The following SORCS1 variants were observed in gnomAD, a reference collection of about 807,000 sequenced individuals.
SORCS1 encodes the protein sortilin related VPS10 domain containing receptor 1, also known as VPS10 domain-containing receptor SorCS1.
In SORCS1, 60 loss-of-function variants were observed where a neutral mutation model predicts 146.1. The ratio of observed to expected loss-of-function variants is 0.41; its 90% confidence interval spans 0.33 to 0.51. SORCS1 has a LOEUF of 0.51. Ranked by LOEUF, SORCS1 falls within the 20% of genes least tolerant of loss-of-function variation. SORCS1 has a pLI of 0.21. For synonymous variants in SORCS1, 637 were observed against 584.0 expected, an observed-to-expected ratio of 1.09 and a Z score of -1.31; for missense variants, 1,352 against 1,487.6, an observed-to-expected ratio of 0.91 and a Z score of 1.50.
chr10:106,641,384 G>T lies in SORCS1; in HGVS notation c.2475+10998C>A, dbSNP rs149386082. On this transcript the variant is annotated intron_variant, in intron 18 of 25. Transcript: ENST00000263054. ...TGTAAAATTGCAAACTAGTATCAGT[G>T]TACCTAGCCTTTTATTATTTTCTGT... 2.6e-5 allele frequency among the ~76,000 whole-genome samples: 4 copies of T among 152,234 alleles called. No homozygotes were observed. In the East Asian group the frequency reaches 5.8e-4, roughly 22 times the overall value.
intron 4 of SORCS1, among the ~76,000 whole-genome samples, chr10:106,765,379 T>A (rs904893068): frequency 3.3e-5 from 5 of 152,132 alleles, no homozygotes; most frequent in East Asian, 1.9e-4. Context: ...AAGGGTTTTT[T>A]TTTTTAAGAC....
chr10:107,093,163 T>A (rs1441669165), intron 1 of SORCS1, among the ~76,000 whole-genome samples: 1 of 152,204 alleles, frequency 6.6e-6, no homozygotes, highest in African/African-American at 2.4e-5. Flanking sequence ...TGATTTTTTT[T>A]AACCAAGATG....
chr10:106,734,703 T>A (rs1246776028), intron 5 of SORCS1, among the ~76,000 whole-genome samples: 2 of 152,208 alleles, frequency 1.3e-5, no homozygotes, highest in Non-Finnish European at 2.9e-5. Context: ...GTTAACATAA[T>A]TTTTTCTATA....
chr10:106,601,996 C>A (rs1846272005), intron 23 of SORCS1, among the ~76,000 whole-genome samples: 1 of 152,152 alleles, frequency 6.6e-6, no homozygotes, highest in Admixed American at 6.5e-5. Flanking sequence ...CATTCAACAT[C>A]CAAACAATTT....
chr10:107,000,111 C>G (rs1466777323), intron 1 of SORCS1, among the ~76,000 whole-genome samples: 1 of 152,160 alleles, frequency 6.6e-6, no homozygotes, highest in Non-Finnish European at 1.5e-5. Flanking sequence ...CTCTCCCCAT[C>G]AGCAATTAAG....
At chr10:107,091,611 C>G (rs541298961) in intron 1 of SORCS1, among the ~76,000 whole-genome samples, 1 of 152,222 alleles carries the variant, frequency 6.6e-6, no homozygotes, top group Admixed American at 6.5e-5. Flanking sequence ...AGACCGAGTT[C>G]ATTTGCTGCT....
At chr10:106,912,122 AAAC>A (rs1264778992) in intron 2 of SORCS1, among the ~76,000 whole-genome samples, 1 of 146,578 alleles carries the variant, frequency 6.8e-6, no homozygotes, top group Admixed American at 6.7e-5. Flanking sequence ...CAAAAAAAAA[AAAC>A]AAACAAACAA....
At chr10:106,726,076 C>A (rs1856139406) in intron 6 of SORCS1, among the ~76,000 whole-genome samples, 1 of 151,838 alleles carries the variant, frequency 6.6e-6, no homozygotes, top group Admixed American at 6.6e-5. Flanking sequence ...CCTTGCTACC[C>A]TGACCTCTCT....
chr10:106,734,060 T>C (rs1005526212), intron 5 of SORCS1, among the ~76,000 whole-genome samples: 8 of 152,174 alleles, frequency 5.3e-5, no homozygotes, highest in African/African-American at 1.9e-4. Context: ...CAATACAGCA[T>C]GTTATTCTTT....
intron 18 of SORCS1, among the ~76,000 whole-genome samples, chr10:106,646,600 G>A (rs1449571953): frequency 6.6e-6 from 1 of 152,132 alleles, no homozygotes; most frequent in Non-Finnish European, 1.5e-5. Flanking sequence ...GGAGACTGAG[G>A]CAGGAGAATC....
chr10:106,853,752 T>G, intron 2 of SORCS1, among the ~76,000 whole-genome samples: 1 of 152,130 alleles, frequency 6.6e-6, no homozygotes, highest in East Asian at 1.9e-4. Flanking sequence ...CTCTGCTTAT[T>G]TTGAAAATTT....
intron 1 of SORCS1, among the ~76,000 whole-genome samples, chr10:107,065,465 TCCC>T (rs1840431886): frequency 9.7e-6 from 1 of 103,202 alleles, no homozygotes; most frequent in African/African-American, 3.5e-5. Flanking sequence ...TCTTTCTCTC[TCCC>T]TCTCCTCTCC....
At chr10:106,790,444 G>T (rs551030864) in intron 3 of SORCS1, among the ~76,000 whole-genome samples, 4 of 152,308 alleles carry the variant, frequency 2.6e-5, no homozygotes, top group African/African-American at 9.6e-5. Context: ...TAGCAGGGAA[G>T]AAATGTAATC....
At chr10:106,769,426 A>C (rs183623605) in intron 4 of SORCS1, among the ~76,000 whole-genome samples, 16 of 150,630 alleles carry the variant, frequency 1.1e-4, no homozygotes, top group African/African-American at 3.9e-4. Context: ...CGGAGGTTAC[A>C]GTGAGCTGAG....
At chr10:107,081,100 C>A (rs1963298878) in intron 1 of SORCS1, among the ~76,000 whole-genome samples, 1 of 152,212 alleles carries the variant, frequency 6.6e-6, no homozygotes. Flanking sequence ...AACTGCAGTT[C>A]AGTTTCAGAT....
intron 1 of SORCS1, among the ~76,000 whole-genome samples, chr10:106,968,040 T>C (rs1417039117): frequency 7.3e-6 from 1 of 137,462 alleles, no homozygotes; most frequent in East Asian, 2.0e-4. Flanking sequence ...CCGTCTCTAC[T>C]AAAGAAAAAA....
chr10:106,699,079 T>A (rs1853928480), intron 9 of SORCS1, 135 bp downstream of exon 9: 2 of 703,072 alleles, frequency 2.8e-6, no homozygotes, highest in African/African-American at 1.8e-5. Context: ...GTTCTGCAAA[T>A]CTTTCCATCT....
At chr10:107,082,293 AGAG>A (rs1401360388) in intron 1 of SORCS1, among the ~76,000 whole-genome samples, 3 of 152,072 alleles carry the variant, frequency 2.0e-5, no homozygotes, top group African/African-American at 7.2e-5. Context: ...CTACTCTTTA[AGAG>A]GAGATTTTTG....
chr10:106,605,765 A>G (rs1468626984), intron 23 of SORCS1, among the ~76,000 whole-genome samples: 1 of 152,196 alleles, frequency 6.6e-6, no homozygotes, highest in African/African-American at 2.4e-5. Context: ...AGGGCTTTCC[A>G]TGAGAGCTCT....
Sources: gnomAD v4.1 joint callset for allele counts (sites outside exome capture counted in the v4.1 genomes callset) on GRCh38, gnomAD v4.1.1 for gene constraint, MANE v1.5 for transcripts, NCBI Gene and HGNC (gene_info 2026-07-23, HGNC 2026-07-21) for gene names.